Variants in ZCCHC8 observed in about 807,000 individuals in gnomAD.
ZCCHC8 encodes the protein zinc finger CCHC-type containing 8.
Under a neutral mutation model 70.6 loss-of-function variants are expected in ZCCHC8, and 27 were observed. The ratio of observed to expected loss-of-function variants is 0.38; its 90% CI spans 0.28 to 0.53. The LOEUF is 0.53. Among genes scored for constraint, ZCCHC8 ranks in the 20% least tolerant of loss-of-function variants. ZCCHC8 has a pLI of 0.81. For synonymous variants in ZCCHC8, 293 were observed against 317.4 expected, an observed-to-expected ratio of 0.92 and a Z score of 0.82; for missense variants, 737 against 876.9, an observed-to-expected ratio of 0.84 and a Z score of 2.01.
Position 122,474,092 on chromosome 12 carries a change from A to G in ZCCHC8, c.1529T>C (p.Val510Ala), listed in dbSNP as rs201164007. ...TTCTAGAGTCAGTGCGTCCTCATCCACAGCTCCAGATGCTGTTCTGGTCTG... is the reference window on the plus strand; with the variant it reads ...TTCTAGAGTCAGTGCGTCCTCATCCGCAGCTCCAGATGCTGTTCTGGTCTG... ...SPQTRTASGA[V>A]DEDALTLEEL... is the part of the protein sequence containing the mutation. The change falls in exon 14 of 14, where the codon GTG becomes GCG. Residue 510 changes from valine to alanine, a missense_variant. Coordinates refer to ENST00000633063, the MANE Select transcript of ZCCHC8 (RefSeq NM_017612.5). 168 of 1,516,354 alleles carry G rather than the reference A, an allele frequency of 1.1e-4. No individual in the cohort carries two copies. The African/African-American group carries it at 2.1e-3, about 19-fold the overall frequency. 93.9% of individuals were successfully genotyped at this position (1,516,354 alleles called of 1,614,324 possible). A position where few individuals can be genotyped will look rare whatever the true frequency, so the allele number is the denominator to read the frequency against.
rs78690091 is a variant in ZCCHC8 at position 122,483,905 on chromosome 12, G to A, written c.502-342C>T. On this transcript the variant is annotated intron_variant, in intron 5 of 13. Transcript: ENST00000633063. The surrounding 1 kb of genome is among the most constrained non-coding windows in gnomAD (Gnocchi z 4.4). ...AAGACATGCAGACCCTTTAGTTATT[G>A]TTTCCATTTCCTTTCTTCCCATTTA... 0.038 allele frequency: 7,136 copies of A among 187,228 alleles called. 558 individuals are homozygous for A. Among genetic ancestry groups the A allele is most frequent in the African/African-American group, 0.16 (6,710 of 42,246 alleles). 11.6% of individuals were successfully genotyped at this position (187,228 alleles called of 1,614,324 possible).
rs1421881915 is a variant in ZCCHC8 at position 122,474,093 on chromosome 12, C to A, written c.1528G>T (p.Val510Leu). ...TCTAGAGTCAGTGCGTCCTCATCCA[C>A]AGCTCCAGATGCTGTTCTGGTCTGG... is the stretch of plus-strand genomic sequence containing the variant. ...SPQTRTASGAVDEDALTLEEL... is the reference protein window; with the variant it reads ...SPQTRTASGALDEDALTLEEL... The change falls in exon 14 of 14, where the codon GTG (valine) becomes TTG (leucine). Residue 510 changes from valine (V) to leucine (L), a missense_variant. Val to Leu is a conservative substitution (Grantham distance 32). Coordinates refer to ENST00000633063, the MANE Select transcript of ZCCHC8 (RefSeq NM_017612.5). 1 of 1,516,404 alleles carries A rather than the reference C, an allele frequency of 6.6e-7. No homozygotes were observed. The highest frequency in any genetic ancestry group is 1.4e-5 in the African/African-American group (1 of 71,638). 93.9% of individuals were successfully genotyped at this position (1,516,404 alleles called of 1,614,324 possible). A position where few individuals can be genotyped will look rare whatever the true frequency, so the allele number is the denominator to read the frequency against.
intron 5 of ZCCHC8, among the ~76,000 whole-genome samples, chr12:122,484,326 G>C (rs1957594285): frequency 6.6e-6 from 1 of 151,954 alleles, no homozygotes; most frequent in East Asian, 1.9e-4. Context: ...TCAAACTCCT[G>C]AGCTTAAGCG....
Position 122,483,563 on chromosome 12 carries a change from C to A in ZCCHC8, c.502G>T (p.Val168Phe). ...GTAAAATACAGGACACTTCCTACAA[C>A]CTGCAGAAAACAAGTCAAAAAATAT... Reference protein sequence around the residue: ...AIKNNKEAFSVVGSVLYFTNF... With the variant: ...AIKNNKEAFSFVGSVLYFTNF... The change falls in exon 6 of 14, where the codon GTT becomes TTT. Residue 168 changes from valine to phenylalanine, a missense_variant and splice_region_variant. By Grantham distance (50) the Val-to-Phe change is conservative (BLOSUM62 -1). Transcript: ENST00000633063. This position sits in a 1 kb window ranked among gnomAD's most constrained non-coding sequence, Gnocchi z 4.4. 6.4e-7 allele frequency: 1 copy of A among 1,570,274 alleles called. No homozygotes were observed. Among genetic ancestry groups the A allele is most frequent in the Non-Finnish European group, 8.7e-7 (1 of 1,156,040 alleles).
intron 11 of ZCCHC8, 115 bp from the exon 12 acceptor site, chr12:122,478,407 T>C: frequency 4.2e-6 from 3 of 720,754 alleles, no homozygotes; most frequent in Non-Finnish European, 4.6e-6. Flanking sequence ...TTCCTTCTTA[T>C]GTTACTTTTC....
At chr12:122,490,772 G>GT (rs1957729584) in intron 3 of ZCCHC8, among the ~76,000 whole-genome samples, 1 of 152,134 alleles carries the variant, frequency 6.6e-6, no homozygotes, top group Non-Finnish European at 1.5e-5. Context: ...TTATGATAAA[G>GT]TAACACAGTG....
chr12:122,490,690 C>A (rs1957728217), intron 3 of ZCCHC8, 123 bp from the exon 4 acceptor site: 1 of 535,392 alleles, frequency 1.9e-6, no homozygotes. Flanking sequence ...TTTAATAAAT[C>A]ACTGACTCTG....
chr12:122,480,212 G>T lies in ZCCHC8; in HGVS notation c.1118C>A (p.Ser373Tyr). 6.3e-7 allele frequency: 1 copy of T among 1,590,416 alleles called. No individual in the cohort carries two copies. Among genetic ancestry groups the T allele is most frequent in the Admixed American group, 1.7e-5 (1 of 57,646 alleles). The part of the protein sequence containing the change: ...KLVNYPGFNI[S>Y]TPRGIPDEWR... ...TACGTCTGGAATTCCTCTGGGAGTA[G>T]ATATATTAAAACCAGGATAGTTGAC... The change falls in exon 11 of 14, where the codon TCT (serine) becomes TAT (tyrosine). Residue 373 changes from serine to tyrosine, a missense_variant. Coordinates refer to ENST00000633063, the MANE Select transcript of ZCCHC8 (RefSeq NM_017612.5).
intron 11 of ZCCHC8, 123 bp downstream of exon 11, chr12:122,480,067 C>T: frequency 1.2e-6 from 1 of 851,050 alleles, no homozygotes; most frequent in Non-Finnish European, 1.8e-6. Context: ...TTGCCTCGGA[C>T]TCCCAAAGTG....
In ZCCHC8 at chr12:122,500,770, G is replaced by C. The variant is rs1419238938; in HGVS notation, c.71C>G (p.Pro24Arg). The C allele has an allele frequency of 1.9e-6, 3 of 1,590,648 alleles. No homozygotes were observed. Among genetic ancestry groups the C allele is most frequent in the East Asian group, 4.6e-5 (2 of 43,664 alleles). Residue 24 changes from proline to arginine, a missense_variant, in exon 1 of 14, where the codon CCG becomes CGG. Transcript: ENST00000633063. The surrounding 1 kb of genome is among the most constrained non-coding windows in gnomAD (Gnocchi z 4.8). ...EPFDHPEESI[P>R]KPVHTRFKDD... is the part of the protein sequence containing the mutation. ...CTTGAAGCGAGTGTGAACGGGCTTC[G>C]GAATCGACTCCTCTGGGTGGTCGAA... is the stretch of plus-strand genomic sequence containing the variant.
At chr12:122,488,597 G>A (rs373222434) in intron 5 of ZCCHC8, among the ~76,000 whole-genome samples, 2 of 150,882 alleles carry the variant, frequency 1.3e-5, no homozygotes, top group South Asian at 2.2e-4. Context: ...GCTGCGCTGG[G>A]CACAGTGGCT....
chr12:122,500,582 C>T lies in ZCCHC8; in HGVS notation c.199+60G>A. 1 of 1,498,242 alleles carries T rather than the reference C, an allele frequency of 6.7e-7. No homozygotes were observed. The highest frequency in any genetic ancestry group is 8.9e-7 in the Non-Finnish European group (1 of 1,123,390). The allele number at this position is 1,498,242 out of a possible 1,614,324, so 92.8% of individuals were successfully genotyped here. On this transcript the variant is annotated intron_variant, in intron 1 of 13. Coordinates refer to ENST00000633063, the MANE Select transcript of ZCCHC8 (RefSeq NM_017612.5). The surrounding 1 kb of genome is among the most constrained non-coding windows in gnomAD (Gnocchi z 4.8). ...CTCGCCCGGCGCTGCCCCGGCCCCA[C>T]GCCTGGCGCTGCCCCGGCCCCACAC...
chr12:122,489,568 A>G, intron 4 of ZCCHC8, 105 bp from the exon 5 acceptor site: 1 of 1,005,576 alleles, frequency 9.9e-7, no homozygotes. Context: ...TATGAACGAC[A>G]TTTCATGTGG....
At chr12:122,474,396 T>C (rs970183293) in intron 13 of ZCCHC8, 121 bp from the exon 14 acceptor site, 15 of 914,574 alleles carry the variant, frequency 1.6e-5, no homozygotes, top group Non-Finnish European at 2.1e-5. Context: ...TGGCTTAACA[T>C]GAGGGAAATT....
intron 10 of ZCCHC8, 162 bp from the exon 11 acceptor site, chr12:122,480,473 C>CTTT (rs63098963): frequency 2.2e-3 from 730 of 331,682 alleles, no homozygotes; most frequent in South Asian, 2.8e-3. Context: ...TAGGACAGAA[C>CTTT]TTTTTTTTTT....
intron 5 of ZCCHC8, 57 bp downstream of exon 5, chr12:122,489,329 G>T: frequency 6.6e-7 from 1 of 1,520,604 alleles, no homozygotes; most frequent in South Asian, 1.2e-5. Flanking sequence ...CCACCCAGTT[G>T]ACATAGGATA....
In ZCCHC8 at chr12:122,480,240, A is replaced by G; in HGVS notation, c.1090T>C (p.Leu364=). 6.2e-7 allele frequency: 1 copy of G among 1,604,862 alleles called. No individual in the cohort carries two copies. Among genetic ancestry groups the G allele is most frequent in the South Asian group, 1.1e-5 (1 of 89,712 alleles). Residue 364 remains leucine, a synonymous_variant, in exon 11 of 14, where the codon TTG becomes CTG. Coordinates refer to ENST00000633063, the MANE Select transcript of ZCCHC8 (RefSeq NM_017612.5). ...NKSVTYDLSK[L]VNYPGFNIST... ...ATATTAAAACCAGGATAGTTGACCAATTTTGAGAGATCGTAAGTGACACTT... is the reference window on the plus strand; with the variant it reads ...ATATTAAAACCAGGATAGTTGACCAGTTTTGAGAGATCGTAAGTGACACTT...
intron 11 of ZCCHC8, 49 bp from the exon 12 acceptor site, chr12:122,478,341 G>C: frequency 7.2e-7 from 1 of 1,394,898 alleles, no homozygotes; most frequent in Non-Finnish European, 9.9e-7. Flanking sequence ...TTTGGAAAAT[G>C]TCATGTTTTG....
chr12:122,493,811 C>T (rs1957784574), intron 2 of ZCCHC8, among the ~76,000 whole-genome samples: 1 of 152,032 alleles, frequency 6.6e-6, no homozygotes, highest in Non-Finnish European at 1.5e-5. Flanking sequence ...GACGGGGTTT[C>T]ACCACGTTAG....
Sources: gnomAD v4.1 joint callset for allele counts (sites outside exome capture counted in the v4.1 genomes callset) on GRCh38, gnomAD v4.1.1 for gene constraint, Gnocchi (gnomAD v3.1) non-coding constraint, MANE v1.5 for transcripts, NCBI Gene and HGNC (gene_info 2026-07-23, HGNC 2026-07-21) for gene names.